The following ARFGEF3 variants were observed in gnomAD, a reference collection of about 807,000 sequenced individuals.
ARFGEF3 encodes brefeldin A-inhibited guanine nucleotide-exchange protein 3.
ARFGEF3 carries 96 observed loss-of-function variants against 221.7 expected under a neutral mutation model. That is an observed-to-expected ratio of 0.43 (90% confidence interval 0.37 to 0.51). The LOEUF (loss-of-function observed/expected upper bound fraction) is 0.51. Ranked by LOEUF, ARFGEF3 falls within the 20% of genes least tolerant of loss-of-function variation. The pLI is 0.00. For synonymous variants in ARFGEF3, 1,145 were observed against 1,126.8 expected, an observed-to-expected ratio of 1.02 and a Z score of -0.32; for missense variants, 2,410 against 2,789.9, an observed-to-expected ratio of 0.86 and a Z score of 3.07.
chr6:138,281,521 A>T (rs1171982049), intron 14 of ARFGEF3, among the ~76,000 whole-genome samples: 2 of 152,144 alleles, frequency 1.3e-5, no homozygotes, highest in Non-Finnish European at 2.9e-5. Flanking sequence ...GACGTCCATG[A>T]GTACCCAGTG....
intron 2 of ARFGEF3, among the ~76,000 whole-genome samples, chr6:138,177,299 G>A (rs1207321035): frequency 6.6e-6 from 1 of 151,668 alleles, no homozygotes; most frequent in East Asian, 1.9e-4. Context: ...TGTTTGTTTT[G>A]GTAGAGATTG....
chr6:138,246,518 G>A (rs1271806624), intron 8 of ARFGEF3, among the ~76,000 whole-genome samples: 1 of 152,150 alleles, frequency 6.6e-6, no homozygotes, highest in Non-Finnish European at 1.5e-5. Flanking sequence ...CAGAAATTTA[G>A]GATTTTTTAA....
chr6:138,283,858 A>G (rs1452628522), intron 14 of ARFGEF3, among the ~76,000 whole-genome samples: 3 of 152,220 alleles, frequency 2.0e-5, no homozygotes, highest in Admixed American at 2.0e-4. Flanking sequence ...TTTCCACCTT[A>G]GCAGCCATAT....
intron 2 of ARFGEF3, among the ~76,000 whole-genome samples, chr6:138,201,225 TGTAAACTC>T (rs1777530373): frequency 6.6e-6 from 1 of 152,244 alleles, no homozygotes; most frequent in African/African-American, 2.4e-5. Context: ...CTGGTGGGAA[TGTAAACTC>T]GTACAGCCAC....
chr6:138,331,797 G>A (rs1332333036), intron 32 of ARFGEF3, among the ~76,000 whole-genome samples: 2 of 152,156 alleles, frequency 1.3e-5, no homozygotes, highest in South Asian at 2.1e-4. Flanking sequence ...TTTGAGATCT[G>A]TGTCTCCTGT....
chr6:138,195,652 T>C (rs915437092), intron 2 of ARFGEF3, among the ~76,000 whole-genome samples: 3 of 152,262 alleles, frequency 2.0e-5, no homozygotes, highest in Admixed American at 6.5e-5. Context: ...AGTTACATTA[T>C]ACATAAAGAT....
At chr6:138,180,635 T>G (rs1185659004) in intron 2 of ARFGEF3, among the ~76,000 whole-genome samples, 1 of 152,170 alleles carries the variant, frequency 6.6e-6, no homozygotes, top group Non-Finnish European at 1.5e-5. Context: ...GACACTTTGG[T>G]TAGTCCAAGC....
intron 2 of ARFGEF3, among the ~76,000 whole-genome samples, chr6:138,184,772 C>A (rs991776387): frequency 6.6e-6 from 1 of 152,144 alleles, no homozygotes; most frequent in African/African-American, 2.4e-5. Flanking sequence ...AAAGAAATTT[C>A]TTTGAGCTGG....
rs762474964 is a variant in ARFGEF3, at chr6:138,296,943, A to G, written c.3636A>G (p.Pro1212=). 1.9e-6 allele frequency: 3 copies of G among 1,612,902 alleles called. No homozygotes were observed. In the Admixed American group the frequency reaches 5.0e-5, roughly 27 times the overall value. Residue 1212 remains proline, a synonymous_variant, in exon 21 of 34, where the codon CCA becomes CCG. Coordinates refer to ENST00000251691, the MANE Select transcript of ARFGEF3 (RefSeq NM_020340.5). ...HVMRCWSLVA[P]HLVEAACHKE... is the part of the protein sequence containing the mutation. ...TGCGCTGCTGGAGCCTTGTGGCCCC[A>G]CACCTGGTGGAGGTGAGCACTGGGA... is the stretch of plus-strand genomic sequence containing the variant.
At chr6:138,183,861 C>T (rs1442360303) in intron 2 of ARFGEF3, among the ~76,000 whole-genome samples, 2 of 152,272 alleles carry the variant, frequency 1.3e-5, no homozygotes, top group East Asian at 3.9e-4. Flanking sequence ...GAAGAGATCC[C>T]ATTGCAGGCC....
In ARFGEF3 at chr6:138,238,569, G is replaced by A; in HGVS notation, c.481G>A (p.Ala161Thr). Residue 161 changes from alanine (A) to threonine (T), a missense_variant, in exon 6 of 34, where the codon GCA (alanine) becomes ACA (threonine). By Grantham distance (58) the Ala-to-Thr change is moderately conservative. Around this residue, in one of 5 missense-constraint regions of ARFGEF3, gnomAD observed 570 missense variants for 586.9 expected, o/e 0.97. Transcript: ENST00000251691. ...GCGTAGCATAAACACTGCTGTGCGG[G>A]CAACTCTCAGTCAAATGCTGAGTGA... ...HQRSINTAVR[A>T]TLSQMLSDLT... 3.1e-6 allele frequency: 5 copies of A among 1,613,810 alleles called. No homozygotes were observed. The highest frequency in any genetic ancestry group is 4.2e-6 in the Non-Finnish European group (5 of 1,179,766).
At chr6:138,176,079 C>T (rs2114439384) in intron 2 of ARFGEF3, among the ~76,000 whole-genome samples, 1 of 152,076 alleles carries the variant, frequency 6.6e-6, no homozygotes, top group South Asian at 2.1e-4. Context: ...CTTTTGATTT[C>T]CGTTTGCATG....
intron 4 of ARFGEF3, chr6:138,218,256 G>T (rs966733370): frequency 1.2e-6 from 2 of 1,611,156 alleles, no homozygotes; most frequent in African/African-American, 2.7e-5. Context: ...GTAGCAGAAT[G>T]GTAAGAGCAC....
intron 8 of ARFGEF3, among the ~76,000 whole-genome samples, chr6:138,252,771 ACT>A: frequency 6.6e-6 from 1 of 152,334 alleles, no homozygotes; most frequent in South Asian, 2.1e-4. Context: ...ATCCCACATT[ACT>A]GAGTGAACTC....
intron 5 of ARFGEF3, among the ~76,000 whole-genome samples, chr6:138,234,206 C>T (rs1362116706): frequency 6.6e-6 from 1 of 152,200 alleles, no homozygotes; most frequent in Non-Finnish European, 1.5e-5. Flanking sequence ...AGCCAACCTT[C>T]TGTAGACCAA....
chr6:138,240,285 T>C (rs1778370495), intron 6 of ARFGEF3, among the ~76,000 whole-genome samples: 2 of 152,204 alleles, frequency 1.3e-5, no homozygotes, highest in South Asian at 4.1e-4. Context: ...TACACTCATA[T>C]TTCATCCATG....
intron 1 of ARFGEF3, among the ~76,000 whole-genome samples, chr6:138,169,232 TG>T (rs1268337257): frequency 6.6e-6 from 1 of 152,246 alleles, no homozygotes; most frequent in Non-Finnish European, 1.5e-5. Context: ...GCTACCATTC[TG>T]TCCTGGGTGC....
chr6:138,179,106 C>T (rs1777013102), intron 2 of ARFGEF3, among the ~76,000 whole-genome samples: 1 of 152,234 alleles, frequency 6.6e-6, no homozygotes, highest in Non-Finnish European at 1.5e-5. Flanking sequence ...TGTCCTACCT[C>T]CACCTCCAAC....
Position 138,317,439 on chromosome 6 carries a change from G to A in ARFGEF3, c.4474+60G>A, listed in dbSNP as rs1779946404. The A allele has an allele frequency of 3.1e-6, 5 of 1,598,298 alleles. No homozygotes were observed. In the South Asian group the frequency reaches 3.3e-5, roughly 11 times the overall value. ...GTTATACATGTAACTCTTTTCAAGAGGGTATTTCTGCAGGTGTCTGCCTGT... is the reference window on the plus strand; with the variant it reads ...GTTATACATGTAACTCTTTTCAAGAAGGTATTTCTGCAGGTGTCTGCCTGT... On this transcript the variant is annotated intron_variant, in intron 27 of 33. Coordinates refer to ENST00000251691, the MANE Select transcript of ARFGEF3 (RefSeq NM_020340.5).
Sources: allele counts gnomAD v4.1 joint callset (sites outside exome capture counted in the v4.1 genomes callset), GRCh38; gene constraint gnomAD v4.1.1; regional missense constraint gnomAD v4.1.1; transcripts MANE v1.5; gene names NCBI Gene and HGNC (gene_info 2026-07-23, HGNC 2026-07-21).